Variants in CPA3 observed in about 807,000 individuals in gnomAD.
CPA3 encodes carboxypeptidase A3, also known as mast cell carboxypeptidase A.
Under a neutral mutation model 55.8 loss-of-function variants are expected in CPA3, and 52 were observed. The ratio of observed to expected loss-of-function variants is 0.93; its 90% CI spans 0.75 to 1.17. The LOEUF (loss-of-function observed/expected upper bound fraction) is 1.17, where lower values mean the gene tolerates loss of function less well. Ranked by LOEUF, CPA3 falls within the 50% of genes most tolerant of loss-of-function variation. CPA3 has a pLI of 0.00. For synonymous variants in CPA3, 179 were observed against 171.2 expected (o/e 1.05, Z -0.36); for missense variants, 547 against 509.1 (o/e 1.07, Z -0.72).
chr3:148,895,266 T>C (rs1714793803), intron 10 of CPA3, among the ~76,000 whole-genome samples: 1 of 152,200 alleles, frequency 6.6e-6, no homozygotes, highest in South Asian at 2.1e-4. Context: ...CATGCTTTTC[T>C]ATCCTTGTAG....
intron 10 of CPA3, among the ~76,000 whole-genome samples, chr3:148,894,458 CAGAA>C (rs1171478036): frequency 3.2e-5 from 2 of 62,650 alleles, no homozygotes; most frequent in African/African-American, 1.3e-4. Context: ...GGGATAAAAA[CAGAA>C]AGAACAAAAA....
At chr3:148,891,162 C>T (rs986541776) in intron 10 of CPA3, among the ~76,000 whole-genome samples, 3 of 152,104 alleles carry the variant, frequency 2.0e-5, no homozygotes, top group African/African-American at 7.2e-5. Context: ...TTGTTACTTA[C>T]ATTTGGGATA....
chr3:148,884,999 T>C (rs1275554500), intron 9 of CPA3, among the ~76,000 whole-genome samples: 1 of 152,240 alleles, frequency 6.6e-6, no homozygotes, highest in African/African-American at 2.4e-5. Flanking sequence ...TGCAAATATG[T>C]TAGTAACTAT....
chr3:148,881,458 C>G, intron 6 of CPA3, 64 bp from the exon 7 acceptor site: 1 of 957,032 alleles, frequency 1.0e-6, no homozygotes, highest in Non-Finnish European at 1.7e-6. Flanking sequence ...CTATTATAAC[C>G]ACAGCTTTCC....
chr3:148,885,705 C>T (rs921634346), intron 9 of CPA3, among the ~76,000 whole-genome samples: 13 of 152,028 alleles, frequency 8.6e-5, no homozygotes, highest in Admixed American at 8.5e-4. Context: ...CCACCGTGCC[C>T]GGCCAAGTCT....
chr3:148,893,654 C>T (rs1391026374), intron 10 of CPA3, among the ~76,000 whole-genome samples: 1 of 152,120 alleles, frequency 6.6e-6, no homozygotes, highest in Non-Finnish European at 1.5e-5. Flanking sequence ...TTGACAAAGA[C>T]ATAAACTAAC....
At chr3:148,879,283 C>T (rs1714296281) in intron 5 of CPA3, among the ~76,000 whole-genome samples, 1 of 152,152 alleles carries the variant, frequency 6.6e-6, no homozygotes. Flanking sequence ...AACCCCCATT[C>T]ATTCATTATC....
At chr3:148,865,807 G>A (rs1199454520) in intron 2 of CPA3, among the ~76,000 whole-genome samples, 5 of 152,032 alleles carry the variant, frequency 3.3e-5, no homozygotes, top group Admixed American at 3.3e-4. Flanking sequence ...ATGAAATCAG[G>A]AGCTGTTCTT....
At chr3:148,877,083 A>C (rs571199215) in intron 3 of CPA3, among the ~76,000 whole-genome samples, 2 of 152,356 alleles carry the variant, frequency 1.3e-5, no homozygotes, top group African/African-American at 4.8e-5. Flanking sequence ...TCATGTAGGC[A>C]GTTGGATGTG....
intron 10 of CPA3, among the ~76,000 whole-genome samples, chr3:148,890,950 T>C (rs1242515886): frequency 6.6e-6 from 1 of 152,200 alleles, no homozygotes; most frequent in African/African-American, 2.4e-5. Flanking sequence ...AAAAACAAAA[T>C]TATCTTATAG....
rs1323635325 is a variant in CPA3, at chr3:148,886,065, T to C, written c.982-28T>C. The C allele has an allele frequency of 2.7e-6, 4 of 1,505,182 alleles. No homozygotes were observed. The African/African-American group carries it at 5.5e-5, about 21-fold the overall frequency. The allele number at this position is 1,505,182 out of a possible 1,614,324, so 93.2% of individuals were successfully genotyped here. On this transcript the variant is annotated intron_variant, in intron 9 of 10. Transcript: ENST00000296046. The stretch of plus-strand genomic sequence containing the variant: ...TTGGTATTTACACAGTATCCTATTA[T>C]TTCACTCTAACTTTCCTTTCTCTCC...
intron 10 of CPA3, 128 bp from the exon 11 acceptor site, chr3:148,896,392 C>T: frequency 1.4e-6 from 1 of 696,232 alleles, no homozygotes. Context: ...GACCACTACT[C>T]TCATTCATTA....
At chr3:148,875,800 C>T (rs960054693) in intron 3 of CPA3, among the ~76,000 whole-genome samples, 1 of 152,252 alleles carries the variant, frequency 6.6e-6, no homozygotes, top group South Asian at 2.1e-4. Context: ...TGCAACCATA[C>T]ATCAACGGAC....
chr3:148,896,658 T>C lies in CPA3; in HGVS notation c.1205T>C (p.Met402Thr). The C allele has an allele frequency of 6.4e-7, 1 of 1,566,974 alleles. No individual in the cohort carries two copies. The change falls in exon 11 of 11, where the codon ATG becomes ACG. Residue 402 changes from methionine to threonine, a missense_variant. By Grantham distance (81) the Met-to-Thr change is moderately conservative. Transcript: ENST00000296046. ...ATAAAGCCAACGTGCAGAGAGACCA[T>C]GCTAGCTGTCAAATTTATTGCCAAG... ...SRIKPTCRET[M>T]LAVKFIAKYI...
At chr3:148,886,788 A>G (rs1714542834) in intron 10 of CPA3, among the ~76,000 whole-genome samples, 1 of 152,178 alleles carries the variant, frequency 6.6e-6, no homozygotes, top group South Asian at 2.1e-4. Flanking sequence ...TGCCTTGTCT[A>G]CATGTAAGTA....
At chr3:148,877,060 C>G (rs1426167426) in intron 3 of CPA3, among the ~76,000 whole-genome samples, 1 of 152,128 alleles carries the variant, frequency 6.6e-6, no homozygotes, top group East Asian at 1.9e-4. Context: ...ATATCTGAAT[C>G]CAAGTGAAAA....
At chr3:148,866,139 A>G (rs1234550234) in intron 2 of CPA3, among the ~76,000 whole-genome samples, 5 of 152,242 alleles carry the variant, frequency 3.3e-5, no homozygotes, top group Admixed American at 3.3e-4. Context: ...TGTCAGGGTT[A>G]TAATGTAACT....
At position 148,875,004 on chromosome 3, in the gene CPA3, T is replaced by C. The variant is rs114277509; in HGVS notation, c.270-3437T>C. ...TCACCACAAGCCTGGTCACCACAAT[T>C]GTAAAAGTTGGAAAACTGAGGTTCA... On this transcript the variant is annotated intron_variant, in intron 3 of 10. Coordinates refer to ENST00000296046, the MANE Select transcript of CPA3 (RefSeq NM_001870.4). Among the ~76,000 whole-genome samples the C allele has an allele frequency of 4.6e-3, 699 of 152,248 alleles. 12 individuals are homozygous for C. Among genetic ancestry groups the C allele is most frequent in the African/African-American group, 0.016 (673 of 41,520 alleles).
chr3:148,877,246 A>G (rs1348045366), intron 3 of CPA3, among the ~76,000 whole-genome samples: 1 of 152,264 alleles, frequency 6.6e-6, no homozygotes, highest in Non-Finnish European at 1.5e-5. Flanking sequence ...CTGTAATCCC[A>G]GCACTTCAGG....
Sources: gnomAD v4.1 joint callset for allele counts (sites outside exome capture counted in the v4.1 genomes callset) on GRCh38, gnomAD v4.1.1 for gene constraint, MANE v1.5 for transcripts, NCBI Gene and HGNC (gene_info 2026-07-23, HGNC 2026-07-21) for gene names.